PRKAA1: variants seen among roughly 807,000 people sequenced by gnomAD.
PRKAA1 encodes protein kinase AMP-activated catalytic subunit alpha 1.
PRKAA1 carries 23 observed loss-of-function variants against 56.9 expected under a neutral mutation model. The ratio of observed to expected loss-of-function variants is 0.40; its 90% CI spans 0.29 to 0.57. The LOEUF (loss-of-function observed/expected upper bound fraction) is 0.57. Ranked by LOEUF, PRKAA1 falls within the 20% of genes least tolerant of loss-of-function variation. PRKAA1 has a pLI of 0.39. For synonymous variants in PRKAA1, 226 were observed against 227.0 expected, an observed-to-expected ratio of 1.00 and a Z score of 0.04; for missense variants, 413 against 679.7, an observed-to-expected ratio of 0.61 and a Z score of 4.36.
chr5:40,763,137 C>T, intron 8 of PRKAA1, 115 bp from the exon 9 acceptor site: 1 of 989,350 alleles, frequency 1.0e-6, no homozygotes, highest in Non-Finnish European at 1.5e-6. Context: ...CAAGAGCACG[C>T]TTATTCTAAA....
At chr5:40,777,688 C>T in intron 1 of PRKAA1, 102 bp from the exon 2 acceptor site, 1 of 1,155,742 alleles carries the variant, frequency 8.7e-7, no homozygotes, top group Admixed American at 2.8e-5. Context: ...AATCCCAGCA[C>T]TTTGGGAGGC....
chr5:40,789,066 C>T (rs1667861863), intron 1 of PRKAA1, among the ~76,000 whole-genome samples: 2 of 151,744 alleles, frequency 1.3e-5, no homozygotes, highest in Admixed American at 1.3e-4. Flanking sequence ...CATAAATTAG[C>T]CAGGCGTGGT....
chr5:40,781,963 C>T (rs1744283913), intron 1 of PRKAA1, among the ~76,000 whole-genome samples: 1 of 152,164 alleles, frequency 6.6e-6, no homozygotes, highest in Admixed American at 6.5e-5. Context: ...AAGCTTGCTT[C>T]AGGAAGTATC....
intron 1 of PRKAA1, among the ~76,000 whole-genome samples, chr5:40,793,323 A>G (rs1482671850): frequency 6.6e-6 from 1 of 152,190 alleles, no homozygotes; most frequent in African/African-American, 2.4e-5. Flanking sequence ...CTTGGAAACA[A>G]TAAAGACAAT....
chr5:40,769,572 TA>T, intron 4 of PRKAA1, 69 bp from the exon 5 acceptor site: 1 of 1,226,594 alleles, frequency 8.2e-7, no homozygotes, highest in Non-Finnish European at 1.2e-6. Context: ...CATTAAACAA[TA>T]AAATTGAGTT....
chr5:40,796,380 A>G (rs923004196), intron 1 of PRKAA1, among the ~76,000 whole-genome samples: 3 of 152,224 alleles, frequency 2.0e-5, no homozygotes, highest in African/African-American at 7.2e-5. Context: ...ATTCAAGTCT[A>G]TATTAGGGGA....
chr5:40,779,271 AG>A (rs1321405951), intron 1 of PRKAA1, among the ~76,000 whole-genome samples: 1 of 152,188 alleles, frequency 6.6e-6, no homozygotes, highest in East Asian at 1.9e-4. Context: ...AAATCCCAAA[AG>A]ATCAAAATCC....
At chr5:40,774,293 C>G (rs1286053801) in intron 3 of PRKAA1, among the ~76,000 whole-genome samples, 1 of 152,116 alleles carries the variant, frequency 6.6e-6, no homozygotes, top group African/African-American at 2.4e-5. Context: ...CAAGACGGAA[C>G]AGAGGAAGAC....
At chr5:40,785,490 CT>C (rs1483177677) in intron 1 of PRKAA1, among the ~76,000 whole-genome samples, 17 of 152,168 alleles carry the variant, frequency 1.1e-4, no homozygotes, top group Non-Finnish European at 2.1e-4. Context: ...TCCGCCCCCC[CT>C]CGGCCTCCCA....
chr5:40,783,545 CAG>C (rs1401589536), intron 1 of PRKAA1, among the ~76,000 whole-genome samples: 5 of 152,068 alleles, frequency 3.3e-5, no homozygotes, highest in Admixed American at 1.3e-4. Flanking sequence ...ATCACAAGGT[CAG>C]GAGTTCGAGA....
In PRKAA1 at chr5:40,777,997, C is replaced by T. The variant is rs889697126; in HGVS notation, c.128-411G>A. On this transcript the variant is annotated intron_variant, in intron 1 of 8. Coordinates refer to ENST00000397128, the MANE Select transcript of PRKAA1 (RefSeq NM_006251.6). ...GCTGAGGCAGGAGAATCGCTTGAAC[C>T]CAGGAGGCGGAGGTTGCAGTGAGCC... Among the ~76,000 whole-genome samples the T allele has an allele frequency of 2.6e-5, 4 of 152,238 alleles. 1 individual carries two copies. Among genetic ancestry groups the T allele is most frequent in the Admixed American group, 6.5e-5 (1 of 15,298 alleles).
chr5:40,782,194 A>C (rs571030746), intron 1 of PRKAA1, among the ~76,000 whole-genome samples: 2 of 152,226 alleles, frequency 1.3e-5, no homozygotes, highest in East Asian at 3.9e-4. Context: ...ACCATCACAA[A>C]CCAACCAAAC....
At chr5:40,780,952 C>A (rs1479379843) in intron 1 of PRKAA1, among the ~76,000 whole-genome samples, 1 of 152,082 alleles carries the variant, frequency 6.6e-6, no homozygotes, top group Non-Finnish European at 1.5e-5. Context: ...TGAATCCACC[C>A]CTCGTCAATT....
At chr5:40,775,584 T>C (rs927754179) in intron 2 of PRKAA1, 81 bp from the exon 3 acceptor site, 9 of 1,116,824 alleles carry the variant, frequency 8.1e-6, no homozygotes, top group Non-Finnish European at 1.1e-5. Flanking sequence ...GCACCTATAG[T>C]ATACCAGGTA....
At chr5:40,780,077 T>G (rs1053892890) in intron 1 of PRKAA1, among the ~76,000 whole-genome samples, 1 of 152,200 alleles carries the variant, frequency 6.6e-6, no homozygotes, top group African/African-American at 2.4e-5. Context: ...ATTTTTCACC[T>G]GCATATTCAC....
chr5:40,772,690 G>C (rs1743804976), intron 3 of PRKAA1, among the ~76,000 whole-genome samples: 1 of 152,000 alleles, frequency 6.6e-6, no homozygotes, highest in Admixed American at 6.5e-5. Context: ...CTGGAGTGCA[G>C]TGATGCCATC....
Position 40,786,949 on chromosome 5 carries a change from C to T in PRKAA1, c.128-9363G>A, listed in dbSNP as rs1744517467. Among the ~76,000 whole-genome samples the T allele has an allele frequency of 2.0e-5, 3 of 151,750 alleles. No homozygotes were observed. In the South Asian group the frequency reaches 6.2e-4, roughly 32 times the overall value. On this transcript the variant is annotated intron_variant, in intron 1 of 8. Transcript: ENST00000397128. The stretch of plus-strand genomic sequence containing the variant: ...CTCTGGCCTAGGCAACAAAGTGAGA[C>T]TTTGTCTCAAACAAACAAAAAGAAA...
intron 1 of PRKAA1, among the ~76,000 whole-genome samples, chr5:40,785,106 A>G (rs1431883572): frequency 6.6e-6 from 1 of 152,210 alleles, no homozygotes; most frequent in Non-Finnish European, 1.5e-5. Flanking sequence ...ATATTTGAGT[A>G]CCAGCACCTA....
chr5:40,767,254 A>G (rs573345876), intron 6 of PRKAA1, among the ~76,000 whole-genome samples: 4 of 152,344 alleles, frequency 2.6e-5, no homozygotes, highest in Non-Finnish European at 5.9e-5. Flanking sequence ...GTAAAAAGTG[A>G]AAGCCCTCCC....
Sources: gnomAD v4.1 joint callset for allele counts (sites outside exome capture counted in the v4.1 genomes callset) on GRCh38, gnomAD v4.1.1 for gene constraint, MANE v1.5 for transcripts, NCBI Gene and HGNC (gene_info 2026-07-23, HGNC 2026-07-21) for gene names.